The following MMP16 variants were observed in gnomAD, a reference collection of about 807,000 sequenced individuals.
MMP16 encodes the protein matrix metallopeptidase 16, also known as matrix metalloproteinase-16.
In MMP16, 12 loss-of-function variants were observed where a neutral mutation model predicts 67.8. That is an observed-to-expected ratio of 0.18 (90% CI 0.11 to 0.29). The LOEUF is 0.29. Ranked by LOEUF, MMP16 falls within the 10% of genes least tolerant of loss-of-function variation. The pLI is 1.00. For synonymous variants in MMP16, 249 were observed against 255.9 expected, an observed-to-expected ratio of 0.97 and a Z score of 0.26; for missense variants, 475 against 765.7, an observed-to-expected ratio of 0.62 and a Z score of 4.48.
intron 1 of MMP16, among the ~76,000 whole-genome samples, chr8:88,273,059 G>C (rs1373506456): frequency 6.6e-6 from 1 of 151,372 alleles, no homozygotes; most frequent in Non-Finnish European, 1.5e-5. Context: ...TATCCTTCTT[G>C]CTTTGAATAG....
intron 1 of MMP16, among the ~76,000 whole-genome samples, chr8:88,258,247 T>G (rs1810334976): frequency 6.6e-6 from 1 of 152,168 alleles, no homozygotes; most frequent in African/African-American, 2.4e-5. Context: ...GCTGTGTTAA[T>G]AAAATTTCCT....
chr8:88,186,194 T>A, intron 3 of MMP16: 1 of 269,450 alleles, frequency 3.7e-6, no homozygotes, highest in Non-Finnish European at 6.9e-6. Context: ...TGTCAAAGCA[T>A]GTAATATGTT....
chr8:88,144,941 T>A (rs1365309648), intron 4 of MMP16, among the ~76,000 whole-genome samples: 1 of 152,074 alleles, frequency 6.6e-6, no homozygotes, highest in Non-Finnish European at 1.5e-5. Flanking sequence ...TCTCACTGAA[T>A]AAGTCAATTC....
chr8:88,116,572 G>A lies in MMP16; in HGVS notation c.1018C>T (p.Pro340Ser). 1 of 1,613,802 alleles carries A rather than the reference G, an allele frequency of 6.2e-7. No homozygotes were observed. The highest frequency in any genetic ancestry group is 8.5e-7 in the Non-Finnish European group (1 of 1,179,868). The change falls in exon 6 of 10, where the codon CCC (proline) becomes TCC (serine). Residue 340 changes from proline to serine, a missense_variant. This residue lies in a region of MMP16 where 195 missense variants were observed against 300.9 expected (regional missense o/e 0.65). Coordinates refer to ENST00000286614, the MANE Select transcript of MMP16 (RefSeq NM_005941.5). The part of the protein sequence containing the change: ...TGRPSYPGAK[P>S]NICDGNFNTL... ...TTAAAGTTCCCATCACAGATGTTGGGTTTGGCTCCGGGATAGGAGGGTCTG... is the reference window on the plus strand; with the variant it reads ...TTAAAGTTCCCATCACAGATGTTGGATTTGGCTCCGGGATAGGAGGGTCTG...
At chr8:88,254,020 T>A (rs1020437129) in intron 1 of MMP16, among the ~76,000 whole-genome samples, 1 of 152,120 alleles carries the variant, frequency 6.6e-6, no homozygotes, top group African/African-American at 2.4e-5. Context: ...TGTATGTTCA[T>A]TGTAGCCCTA....
At chr8:88,262,942 G>A (rs1291637084) in intron 1 of MMP16, among the ~76,000 whole-genome samples, 2 of 150,752 alleles carry the variant, frequency 1.3e-5, no homozygotes, top group African/African-American at 2.4e-5. Context: ...GGAGAATGGC[G>A]TGAACCCAGG....
At chr8:88,211,074 C>G (rs1259095539) in intron 1 of MMP16, among the ~76,000 whole-genome samples, 2 of 152,182 alleles carry the variant, frequency 1.3e-5, no homozygotes, top group Non-Finnish European at 2.9e-5. Context: ...AACTTTGAAA[C>G]AGCTCTTGCT....
intron 1 of MMP16, among the ~76,000 whole-genome samples, chr8:88,226,391 A>G (rs1809769573): frequency 6.6e-6 from 1 of 152,040 alleles, no homozygotes; most frequent in Non-Finnish European, 1.5e-5. Context: ...GGCAGGTATG[A>G]CTACTGACTT....
intron 1 of MMP16, among the ~76,000 whole-genome samples, chr8:88,232,495 T>C (rs978791389): frequency 1.3e-5 from 2 of 152,186 alleles, no homozygotes; most frequent in African/African-American, 4.8e-5. Flanking sequence ...TGATGTCACA[T>C]AGCCACATAA....
intron 1 of MMP16, among the ~76,000 whole-genome samples, chr8:88,238,372 G>A (rs541604272): frequency 6.6e-6 from 1 of 151,890 alleles, no homozygotes; most frequent in Admixed American, 6.5e-5. Flanking sequence ...AATTAGCCGG[G>A]TGCAGCCGGG....
At chr8:88,080,373 TTA>T (rs1424057358) in intron 6 of MMP16, among the ~76,000 whole-genome samples, 12 of 152,186 alleles carry the variant, frequency 7.9e-5, no homozygotes, top group African/African-American at 2.9e-4. Context: ...AGAAAAACAT[TTA>T]TGTGTATAAA....
At chr8:88,170,488 G>A (rs1050672369) in intron 3 of MMP16, among the ~76,000 whole-genome samples, 1 of 151,922 alleles carries the variant, frequency 6.6e-6, no homozygotes. Flanking sequence ...GCACCCTATG[G>A]GATTTCAGAA....
At chr8:88,175,339 T>C (rs1297395299) in intron 3 of MMP16, among the ~76,000 whole-genome samples, 9 of 152,296 alleles carry the variant, frequency 5.9e-5, no homozygotes, top group Middle Eastern at 3.4e-3. Flanking sequence ...CAGCTATCCT[T>C]TTCAGGAATA....
intron 3 of MMP16, among the ~76,000 whole-genome samples, chr8:88,180,576 G>A (rs1808963918): frequency 1.3e-5 from 2 of 151,900 alleles, no homozygotes; most frequent in Admixed American, 6.6e-5. Context: ...AATTTTCCAA[G>A]AAGATATTAC....
At chr8:88,215,624 A>G (rs904042203) in intron 1 of MMP16, among the ~76,000 whole-genome samples, 1 of 152,076 alleles carries the variant, frequency 6.6e-6, no homozygotes, top group Non-Finnish European at 1.5e-5. Flanking sequence ...TTACCTTTCC[A>G]TGACACCAGA....
At chr8:88,193,061 T>A (rs1417668325) in intron 2 of MMP16, among the ~76,000 whole-genome samples, 1 of 152,068 alleles carries the variant, frequency 6.6e-6, no homozygotes, top group Admixed American at 6.6e-5. Flanking sequence ...TGGGCATATA[T>A]CCAAAGGAAA....
At chr8:88,297,916 G>T (rs1250636662) in intron 1 of MMP16, among the ~76,000 whole-genome samples, 1 of 152,144 alleles carries the variant, frequency 6.6e-6, no homozygotes, top group Non-Finnish European at 1.5e-5. Flanking sequence ...TGAAGGCAAG[G>T]GAGGCAAGTC....
intron 1 of MMP16, among the ~76,000 whole-genome samples, chr8:88,216,490 A>T (rs1809596088): frequency 6.6e-6 from 1 of 152,150 alleles, no homozygotes; most frequent in South Asian, 2.1e-4. Flanking sequence ...TTAAAGTCAT[A>T]CAGTTTTCTC....
intron 1 of MMP16, among the ~76,000 whole-genome samples, chr8:88,203,250 C>T (rs555699759): frequency 1.1e-4 from 16 of 151,724 alleles, no homozygotes; most frequent in Non-Finnish European, 2.1e-4. Flanking sequence ...ACTATAGGTG[C>T]CTGCCACCAC....
Sources: allele counts gnomAD v4.1 joint callset (sites outside exome capture counted in the v4.1 genomes callset), GRCh38; gene constraint gnomAD v4.1.1; regional missense constraint gnomAD v4.1.1; transcripts MANE v1.5; gene names NCBI Gene and HGNC (gene_info 2026-07-23, HGNC 2026-07-21).